The following DACH1 variants were observed in gnomAD, a reference collection of about 807,000 sequenced individuals.
DACH1 encodes the protein dachshund family transcription factor 1, also known as dachshund homolog 1.
Under a neutral mutation model 54.2 loss-of-function variants are expected in DACH1, and 12 were observed. The ratio of observed to expected loss-of-function variants is 0.22; its 90% CI spans 0.14 to 0.36. The LOEUF (loss-of-function observed/expected upper bound fraction) is 0.36, where lower values mean the gene tolerates loss of function less well. Among genes scored for constraint, DACH1 ranks in the 10% least tolerant of loss-of-function variants. DACH1 has a pLI of 1.00. For missense variants in DACH1, 805 were observed against 929.8 expected (o/e 0.87, Z 1.75); for synonymous variants, 386 against 366.2 (o/e 1.05, Z -0.62).
In DACH1 at chr13:71,719,433, C is replaced by A. The variant is rs775688027; in HGVS notation, c.849-37523G>T. Reference sequence around the variant, plus strand: ...ACAAACTTAACACCCCACATTCTCACCAATTTGACTACATTTCAGTTCACA... The same window carrying A: ...ACAAACTTAACACCCCACATTCTCAACAATTTGACTACATTTCAGTTCACA... On this transcript the variant is annotated intron_variant, in intron 1 of 10. Coordinates refer to ENST00000613252, the MANE Select transcript of DACH1 (RefSeq NM_080759.6). Among the ~76,000 whole-genome samples the A allele has an allele frequency of 8.5e-5, 13 of 152,260 alleles. No homozygotes were observed. In the South Asian group the frequency reaches 1.0e-3, roughly 12 times the overall value.
At chr13:71,552,781 ATATGGATG>A (rs1883902293) in intron 6 of DACH1, among the ~76,000 whole-genome samples, 2 of 124,850 alleles carry the variant, frequency 1.6e-5, no homozygotes, top group African/African-American at 6.2e-5. Context: ...ATATATATAT[ATATGGATG>A]TGAATATATA....
At chr13:71,748,920 CT>C (rs748544406) in intron 1 of DACH1, among the ~76,000 whole-genome samples, 1 of 40,988 alleles carries the variant, frequency 2.4e-5, no homozygotes, top group Non-Finnish European at 9.3e-5. Flanking sequence ...TTCTTTCTTT[CT>C]TTCTTTCTTT....
chr13:71,454,248 A>G (rs1174658559), intron 10 of DACH1, among the ~76,000 whole-genome samples: 1 of 152,158 alleles, frequency 6.6e-6, no homozygotes, highest in African/African-American at 2.4e-5. Flanking sequence ...AATCCATTAA[A>G]TAGTAGGAAT....
intron 1 of DACH1, among the ~76,000 whole-genome samples, chr13:71,861,564 A>G (rs894173595): frequency 1.3e-5 from 2 of 152,018 alleles, no homozygotes; most frequent in Non-Finnish European, 2.9e-5. Context: ...TTAAAAACAT[A>G]CAGAAATAAA....
intron 2 of DACH1, among the ~76,000 whole-genome samples, chr13:71,679,465 T>A (rs1594088931): frequency 1.3e-5 from 2 of 152,252 alleles, no homozygotes; most frequent in East Asian, 3.9e-4. Context: ...GGCAGACAAA[T>A]CTTCCCTATT....
chr13:71,631,025 C>T (rs1877063086), intron 2 of DACH1, among the ~76,000 whole-genome samples: 1 of 152,110 alleles, frequency 6.6e-6, no homozygotes, highest in Admixed American at 6.6e-5. Context: ...ATGTCTTTTC[C>T]TGCTTAAAAT....
chr13:71,505,999 T>C (rs1280391954), intron 6 of DACH1, among the ~76,000 whole-genome samples: 3 of 152,252 alleles, frequency 2.0e-5, no homozygotes, highest in South Asian at 4.1e-4. Flanking sequence ...CTTCATCCTC[T>C]TGATATAGAT....
At chr13:71,571,475 G>A (rs1885191949) in intron 4 of DACH1, among the ~76,000 whole-genome samples, 1 of 152,116 alleles carries the variant, frequency 6.6e-6, no homozygotes, top group Non-Finnish European at 1.5e-5. Context: ...CCCTCTTAGA[G>A]AAGAGTTTTC....
At chr13:71,641,813 G>A (rs1357101551) in intron 2 of DACH1, among the ~76,000 whole-genome samples, 1 of 152,104 alleles carries the variant, frequency 6.6e-6, no homozygotes, top group Non-Finnish European at 1.5e-5. Flanking sequence ...ATTATAAGGA[G>A]ACTTCACACC....
chr13:71,622,783 A>G (rs1245815596), intron 3 of DACH1, among the ~76,000 whole-genome samples: 1 of 151,850 alleles, frequency 6.6e-6, no homozygotes, highest in Non-Finnish European at 1.5e-5. Flanking sequence ...ATGAGGATAT[A>G]GTGTCAAATA....
intron 2 of DACH1, among the ~76,000 whole-genome samples, chr13:71,653,675 A>T (rs1878843266): frequency 6.6e-6 from 1 of 152,190 alleles, no homozygotes; most frequent in African/African-American, 2.4e-5. Flanking sequence ...CTCTCCCTTT[A>T]TATATAAACT....
chr13:71,794,803 A>G (rs1474994227), intron 1 of DACH1, among the ~76,000 whole-genome samples: 2 of 152,210 alleles, frequency 1.3e-5, no homozygotes, highest in Non-Finnish European at 1.5e-5. Context: ...CCTCGAATTG[A>G]CATTCAAGTA....
intron 1 of DACH1, among the ~76,000 whole-genome samples, chr13:71,723,246 TA>T (rs112775403): frequency 0.26 from 34,807 of 133,394 alleles, 10,138 homozygotes; most frequent in African/African-American, 0.7. Context: ...CTACACAAAT[TA>T]AAAAAAAAAA....
chr13:71,859,744 C>T (rs1326734306), intron 1 of DACH1, among the ~76,000 whole-genome samples: 1 of 151,794 alleles, frequency 6.6e-6, no homozygotes, highest in Non-Finnish European at 1.5e-5. Flanking sequence ...TTCTTGTTTT[C>T]CAAAGCAATA....
chr13:71,444,430 A>G (rs1346736411), intron 10 of DACH1, among the ~76,000 whole-genome samples: 2 of 152,254 alleles, frequency 1.3e-5, no homozygotes, highest in African/African-American at 2.4e-5. Context: ...AAAATACGCA[A>G]TGTTTCCTAG....
At chr13:71,662,625 ATCAG>A (rs1879581840) in intron 2 of DACH1, among the ~76,000 whole-genome samples, 1 of 152,054 alleles carries the variant, frequency 6.6e-6, no homozygotes, top group African/African-American at 2.4e-5. Flanking sequence ...ATATTCATTA[ATCAG>A]TCAGTGATTG....
At chr13:71,565,449 G>A (rs543670372) in intron 4 of DACH1, among the ~76,000 whole-genome samples, 1 of 152,216 alleles carries the variant, frequency 6.6e-6, no homozygotes, top group East Asian at 1.9e-4. Context: ...TGTTGTTAGT[G>A]AAATGCAACA....
intron 10 of DACH1, among the ~76,000 whole-genome samples, chr13:71,471,733 C>G (rs1593746814): frequency 6.7e-6 from 1 of 150,052 alleles, no homozygotes; most frequent in Non-Finnish European, 1.5e-5. Context: ...GCCTGGGCAA[C>G]AGAGTGAGAC....
chr13:71,542,708 T>C (rs1032301250), intron 6 of DACH1, among the ~76,000 whole-genome samples: 1 of 152,106 alleles, frequency 6.6e-6, no homozygotes, highest in African/African-American at 2.4e-5. Context: ...AAGCCAAATT[T>C]TCCTGCAAAG....
Sources: gnomAD v4.1 joint callset for allele counts (sites outside exome capture counted in the v4.1 genomes callset) on GRCh38, gnomAD v4.1.1 for gene constraint, MANE v1.5 for transcripts, NCBI Gene and HGNC (gene_info 2026-07-23, HGNC 2026-07-21) for gene names.